The following AFF2 variants were observed in gnomAD, a reference collection of about 807,000 sequenced individuals.
AFF2 encodes the protein ALF transcription elongation factor 2.
A neutral mutation model predicts 76.9 loss-of-function variants in AFF2; 14 were observed. That is an observed-to-expected ratio of 0.18 (90% confidence interval 0.12 to 0.28). The LOEUF (loss-of-function observed/expected upper bound fraction) is 0.28. Among genes scored for constraint, AFF2 ranks in the 10% least tolerant of loss-of-function variants. The probability of loss-of-function intolerance (pLI) is 1.00; values close to 1 mark genes in which losing one functional copy is unlikely to be tolerated. For missense variants in AFF2, 868 were observed against 1,001.1 expected, an observed-to-expected ratio of 0.87 and a Z score of 1.79; for synonymous variants, 398 against 366.7, an observed-to-expected ratio of 1.09 and a Z score of -0.98.
In AFF2 at chrX:148,605,909, A is replaced by G. The variant is rs1319099037; in HGVS notation, c.48-46090A>G. 7.1e-5 allele frequency among the ~76,000 whole-genome samples: 8 copies of G among 112,160 alleles called. No individual in the cohort carries two copies. In the Admixed American group the frequency reaches 7.6e-4, roughly 11 times the overall value. ...GCAAGTTCAAACAATGAATATCAAA[A>G]TCTATGGATGAATATTTGAGGAGAA... On this transcript the variant is annotated intron_variant, in intron 1 of 20. Coordinates refer to ENST00000370460, the MANE Select transcript of AFF2 (RefSeq NM_002025.4).
chrX:148,638,220 A>G (rs782430789), intron 1 of AFF2, among the ~76,000 whole-genome samples: 1 of 112,024 alleles, frequency 8.9e-6, no homozygotes, highest in Non-Finnish European at 1.9e-5. Flanking sequence ...TGCTATAAAG[A>G]CATTACCTGA....
At chrX:148,514,261 A>G (rs1678712107) in intron 1 of AFF2, among the ~76,000 whole-genome samples, 1 of 112,325 alleles carries the variant, frequency 8.9e-6, no homozygotes, top group Non-Finnish European at 1.9e-5. Context: ...GTGCAATGCC[A>G]AAGTTAGGGC....
At chrX:148,985,234 C>T (rs1302056377) in intron 19 of AFF2, among the ~76,000 whole-genome samples, 1 of 104,218 alleles carries the variant, frequency 9.6e-6, no homozygotes, top group Non-Finnish European at 2.0e-5. Flanking sequence ...GATCCGACCC[C>T]CTTGGCCTCC....
At chrX:148,589,801 A>G (rs187126643) in intron 1 of AFF2, among the ~76,000 whole-genome samples, 218 of 110,446 alleles carry the variant, frequency 2.0e-3, no homozygotes, top group Middle Eastern at 4.6e-3. Flanking sequence ...CTGTGAAAAA[A>G]TACCAGTATA....
At chrX:148,825,106 T>A (rs2070372959) in intron 4 of AFF2, among the ~76,000 whole-genome samples, 1 of 111,229 alleles carries the variant, frequency 9.0e-6, no homozygotes, top group African/African-American at 3.3e-5. Context: ...GTACTTCTTA[T>A]AACCACCAAA....
At chrX:148,702,853 T>C (rs2054819843) in intron 3 of AFF2, among the ~76,000 whole-genome samples, 1 of 112,462 alleles carries the variant, frequency 8.9e-6, no homozygotes, top group African/African-American at 3.2e-5. Flanking sequence ...GTTATGATTT[T>C]AGCTTGTTTG....
intron 3 of AFF2, among the ~76,000 whole-genome samples, chrX:148,729,851 A>G (rs1271695096): frequency 8.9e-6 from 1 of 111,736 alleles, no homozygotes; most frequent in Non-Finnish European, 1.9e-5. Context: ...CCACTTTGCT[A>G]TGCCTATGTC....
chrX:148,551,507 A>G lies in AFF2; in HGVS notation c.47+50363A>G, dbSNP rs782558256. Among the ~76,000 whole-genome samples the G allele has an allele frequency of 7.1e-4, 73 of 103,338 alleles. No individual in the cohort carries two copies. In the East Asian group the frequency reaches 0.017, roughly 24 times the overall value. 89.7% of individuals were successfully genotyped at this position (103,338 alleles called of 115,157 possible). On this transcript the variant is annotated intron_variant, in intron 1 of 20. Transcript: ENST00000370460. ...GAAAAAAAAAAAAAAAAAAAAAAAA[A>G]AAGAAGAAAGAAAGAAAGGAAAAGA...
chrX:148,957,005 A>G (rs782207938), intron 11 of AFF2, among the ~76,000 whole-genome samples: 1 of 112,653 alleles, frequency 8.9e-6, no homozygotes, highest in African/African-American at 3.2e-5. Context: ...GGTCCTACCA[A>G]CCACATGTTC....
intron 4 of AFF2, among the ~76,000 whole-genome samples, chrX:148,828,471 G>T (rs1158684491): frequency 8.9e-6 from 1 of 112,270 alleles, no homozygotes; most frequent in Non-Finnish European, 1.9e-5. Flanking sequence ...ACATTTCCTA[G>T]TGGGGTGTTC....
intron 1 of AFF2, among the ~76,000 whole-genome samples, chrX:148,617,789 G>T (rs1296675880): frequency 8.9e-6 from 1 of 112,239 alleles, no homozygotes; most frequent in African/African-American, 3.2e-5. Flanking sequence ...GTATCCTCAA[G>T]ATCGTGTAAT....
chrX:148,705,400 C>G (rs1401969833), intron 3 of AFF2, among the ~76,000 whole-genome samples: 1 of 112,117 alleles, frequency 8.9e-6, no homozygotes, highest in Non-Finnish European at 1.9e-5. Context: ...CAAACAGAAT[C>G]TTAGCCAGGA....
chrX:148,550,580 A>G (rs1188463154), intron 1 of AFF2, among the ~76,000 whole-genome samples: 9 of 111,803 alleles, frequency 8.0e-5, no homozygotes, highest in African/African-American at 1.6e-4. Flanking sequence ...CCATCAAGCT[A>G]TGATTTTTTG....
Position 148,834,373 on chromosome X carries a change from A to AC in AFF2, c.1087-3269dup, listed in dbSNP as rs201622483. Among the ~76,000 whole-genome samples the AC allele has an allele frequency of 3.1e-3, 341 of 110,710 alleles. 1 individual carries two copies. Among genetic ancestry groups the AC allele is most frequent in the Non-Finnish European group, 4.0e-3 (213 of 52,895 alleles). On this transcript the variant is annotated intron_variant, in intron 4 of 20. Transcript: ENST00000370460. ...TGTATAAGTGACCTCACCTCTTGGAACCCCCATTACCTCAGTTGCCCGTTG... is the reference window on the plus strand; with the variant it reads ...TGTATAAGTGACCTCACCTCTTGGAACCCCCCATTACCTCAGTTGCCCGTTG...
chrX:148,746,862 A>G (rs1487558918), intron 3 of AFF2, among the ~76,000 whole-genome samples: 2 of 112,381 alleles, frequency 1.8e-5, no homozygotes, highest in African/African-American at 6.5e-5. Context: ...TGACATACCA[A>G]TGAGGTAGAA....
At chrX:148,617,803 T>C (rs1382831347) in intron 1 of AFF2, among the ~76,000 whole-genome samples, 1 of 112,224 alleles carries the variant, frequency 8.9e-6, no homozygotes, top group Non-Finnish European at 1.9e-5. Flanking sequence ...GTGTAATATT[T>C]GGTTACTAAA....
chrX:148,782,891 C>T (rs1224591417), intron 3 of AFF2, among the ~76,000 whole-genome samples: 3 of 111,607 alleles, frequency 2.7e-5, no homozygotes, highest in South Asian at 7.4e-4. Context: ...TTCCTGAAGT[C>T]TTGTTAGAAA....
intron 1 of AFF2, among the ~76,000 whole-genome samples, chrX:148,524,025 T>G (rs1557234860): frequency 9.1e-6 from 1 of 110,322 alleles, no homozygotes; most frequent in African/African-American, 3.3e-5. Context: ...CTCTGCATCT[T>G]GCCACTTAAA....
intron 7 of AFF2, among the ~76,000 whole-genome samples, chrX:148,862,815 A>G (rs1557276529): frequency 3.6e-5 from 4 of 112,112 alleles, no homozygotes; most frequent in Non-Finnish European, 3.8e-5. Context: ...TTTTACAACA[A>G]CAATGAATAC....
Sources: gnomAD v4.1 joint callset for allele counts (sites outside exome capture counted in the v4.1 genomes callset) on GRCh38, gnomAD v4.1.1 for gene constraint, MANE v1.5 for transcripts, NCBI Gene and HGNC (gene_info 2026-07-23, HGNC 2026-07-21) for gene names.